EML5: variants seen among roughly 807,000 people sequenced by gnomAD.
The protein encoded by EML5 is EMAP like 5.
Under a neutral mutation model 250.0 loss-of-function variants are expected in EML5, and 120 were observed. The ratio of observed to expected loss-of-function variants is 0.48; its 90% CI spans 0.41 to 0.56. The LOEUF (loss-of-function observed/expected upper bound fraction) is 0.56, where lower values mean the gene tolerates loss of function less well. Ranked by LOEUF, EML5 falls within the 20% of genes least tolerant of loss-of-function variation. The pLI is 0.00. For missense variants in EML5, 2,006 were observed against 2,437.6 expected (o/e 0.82, Z 3.73); for synonymous variants, 771 against 806.5 (o/e 0.96, Z 0.75).
intron 21 of EML5, among the ~76,000 whole-genome samples, chr14:88,671,745 T>C (rs1004355268): frequency 3.3e-5 from 5 of 151,394 alleles, no homozygotes. Context: ...AAGCAGGGAG[T>C]GCAATCCTAG....
intron 19 of EML5, 23 bp downstream of exon 19, chr14:88,687,193 A>C: frequency 6.4e-7 from 1 of 1,562,246 alleles, no homozygotes. Context: ...CCTATACAAA[A>C]ACCCCACTAA....
rs1266545527 is a variant in EML5, at chr14:88,687,325, CCCCTATGG to C, written c.2743-6_2744del. 1 of 1,581,532 alleles carries C rather than the reference CCCCTATGG, an allele frequency of 6.3e-7. No homozygotes were observed. Among genetic ancestry groups the C allele is most frequent in the Admixed American group, 1.9e-5 (1 of 51,340 alleles). On this transcript the variant is annotated splice_acceptor_variant and splice_polypyrimidine_tract_variant and coding_sequence_variant and intron_variant, in exon 19 of 44. Coordinates refer to ENST00000554922, the MANE Select transcript of EML5 (RefSeq NM_183387.3). LOFTEE classifies it high-confidence loss of function. Reference sequence around the variant, plus strand: ...TACCATCTTTTCCTCCAGTTACAAACCCCTATGGAAAAAAAAAGGTTCAAGTTAATAAA... The same window carrying C: ...TACCATCTTTTCCTCCAGTTACAAACAAAAAAAAAGGTTCAAGTTAATAAA...
intron 19 of EML5, among the ~76,000 whole-genome samples, chr14:88,686,367 C>T (rs958939766): frequency 6.6e-6 from 1 of 151,844 alleles, no homozygotes; most frequent in Admixed American, 6.6e-5. Context: ...CAAACCTGCA[C>T]ATTGTGCACA....
At position 88,644,461 on chromosome 14, in the gene EML5, T is replaced by C; in HGVS notation, c.4079A>G (p.Asn1360Ser). 2 of 1,613,636 alleles carry C rather than the reference T, an allele frequency of 1.2e-6. No homozygotes were observed. The highest frequency in any genetic ancestry group is 1.7e-6 in the Non-Finnish European group (2 of 1,179,710). Reference sequence around the variant, plus strand: ...TATAGGTCTCTTTTTCTTGCCTACATTGTTTGTCTGGAGTTTCTCTGGCTG... The same window carrying C: ...TATAGGTCTCTTTTTCTTGCCTACACTGTTTGTCTGGAGTTTCTCTGGCTG... ...PPQPEKLQTN[N>S]VGKKKRPIED... Residue 1360 changes from asparagine to serine, a missense_variant, in exon 30 of 44, where the codon AAT becomes AGT. Physicochemically the swap from Asn to Ser is conservative, Grantham distance 46. Transcript: ENST00000554922.
At chr14:88,639,466 A>G (rs1472287724) in intron 31 of EML5, among the ~76,000 whole-genome samples, 1 of 152,230 alleles carries the variant, frequency 6.6e-6, no homozygotes, top group Non-Finnish European at 1.5e-5. Flanking sequence ...TTTCTCAAAG[A>G]AAAGGATTTG....
intron 35 of EML5, chr14:88,626,415 G>A (rs1421893110): frequency 5.8e-6 from 1 of 171,472 alleles, no homozygotes. Flanking sequence ...TAGCTTAGGA[G>A]CTTGAGACCA....
At chr14:88,648,973 C>T in intron 28 of EML5, among the ~76,000 whole-genome samples, 1 of 152,038 alleles carries the variant, frequency 6.6e-6, no homozygotes, top group African/African-American at 2.4e-5. Context: ...ACCATCTGGT[C>T]TCAAGTCTAC....
At chr14:88,706,787 G>A (rs2093324262) in intron 10 of EML5, among the ~76,000 whole-genome samples, 1 of 152,138 alleles carries the variant, frequency 6.6e-6, no homozygotes, top group South Asian at 2.1e-4. Context: ...CTCAACCCAA[G>A]CAGCCAGAGG....
At chr14:88,726,038 T>C (rs12892420) in intron 8 of EML5, among the ~76,000 whole-genome samples, 25,811 of 152,148 alleles carry the variant, frequency 0.17, 2,875 homozygotes, top group African/African-American at 0.31. Context: ...TTCAATTGAA[T>C]TTATCTATCT....
intron 10 of EML5, among the ~76,000 whole-genome samples, chr14:88,709,333 A>C (rs2093367512): frequency 6.6e-6 from 1 of 151,606 alleles, no homozygotes; most frequent in Non-Finnish European, 1.5e-5. Context: ...AACTGGGAAA[A>C]GATATTTGCA....
chr14:88,673,984 C>T (rs552446879), intron 21 of EML5, among the ~76,000 whole-genome samples: 1 of 152,244 alleles, frequency 6.6e-6, no homozygotes. Flanking sequence ...TGAAGAAATA[C>T]CTGGCTGGGT....
In EML5 at chr14:88,704,922, AC is replaced by A; in HGVS notation, c.1988del (p.Ser663MetfsTer71). The A allele has an allele frequency of 6.2e-7, 1 of 1,613,206 alleles. No homozygotes were observed. Among genetic ancestry groups the A allele is most frequent in the Non-Finnish European group, 8.5e-7 (1 of 1,179,502 alleles). Reference protein sequence around the residue: ...LKEQCKEKQKSATSKRRERAP... With the variant: ...LKEQCKEKQKXATSKRRERAP... ...CCCGCTCTCTTCTTTTAGAAGTAGC[AC>A]TTTTTTGTTTCTCTTTGCACTGTTC... On this transcript the variant is annotated frameshift_variant, in exon 13 of 44. Transcript: ENST00000554922. LOFTEE classifies it high-confidence loss of function.
At chr14:88,716,688 C>T (rs1670582797) in intron 8 of EML5, among the ~76,000 whole-genome samples, 1 of 151,148 alleles carries the variant, frequency 6.6e-6, no homozygotes, top group Non-Finnish European at 1.5e-5. Flanking sequence ...AAGAGAAGAA[C>T]GTCTTATGTC....
intron 2 of EML5, among the ~76,000 whole-genome samples, chr14:88,746,784 C>A (rs926506173): frequency 1.3e-5 from 2 of 152,050 alleles, no homozygotes; most frequent in African/African-American, 4.8e-5. Flanking sequence ...GAATTGCAGA[C>A]CGCCTCTGAT....
At chr14:88,618,953 C>G in intron 39 of EML5, 141 bp from the exon 40 acceptor site, 1 of 707,390 alleles carries the variant, frequency 1.4e-6, no homozygotes, top group East Asian at 2.8e-5. Flanking sequence ...CACAACTGAT[C>G]ATGTATACTG....
intron 15 of EML5, among the ~76,000 whole-genome samples, chr14:88,696,237 A>G (rs1323994791): frequency 6.6e-6 from 1 of 151,944 alleles, no homozygotes; most frequent in Non-Finnish European, 1.5e-5. Flanking sequence ...CAGAGCAGCA[A>G]AAGCATTAAT....
chr14:88,792,249 G>C lies in EML5; in HGVS notation c.197+58C>G, dbSNP rs1490952049. 1 of 1,525,330 alleles carries C rather than the reference G, an allele frequency of 6.6e-7. No individual in the cohort carries two copies. Among genetic ancestry groups the C allele is most frequent in the African/African-American group, 1.4e-5 (1 of 72,066 alleles). The allele number at this position is 1,525,330 out of a possible 1,614,324, so 94.5% of individuals were successfully genotyped here. On this transcript the variant is annotated intron_variant, in intron 1 of 43. Coordinates refer to ENST00000554922, the MANE Select transcript of EML5 (RefSeq NM_183387.3). This position sits in a 1 kb window ranked among gnomAD's most constrained non-coding sequence, Gnocchi z 6.9. ...GTCACGGCGTCCAGAGGAACCCGCG[G>C]GTGCAAACTCCGGGAGCGGCTTGCA...
intron 33 of EML5, among the ~76,000 whole-genome samples, chr14:88,634,057 G>A (rs1160961420): frequency 2.0e-5 from 3 of 152,208 alleles, no homozygotes; most frequent in South Asian, 2.1e-4. Context: ...TGCCCAAATC[G>A]CACATTGAAT....
At position 88,688,552 on chromosome 14, in the gene EML5, G is replaced by C. The variant is rs1023794923; in HGVS notation, c.2540-79C>G. On this transcript the variant is annotated intron_variant, in intron 17 of 43. Transcript: ENST00000554922. The stretch of plus-strand genomic sequence containing the variant: ...AAAGAAGCAAAGTTTCTTTTCTACT[G>C]TTGTTGTTGTTGTTTGAATAGTAAG... The C allele has an allele frequency of 3.0e-6, 4 of 1,341,634 alleles. No individual in the cohort carries two copies. In the African/African-American group the frequency reaches 5.8e-5, roughly 19 times the overall value. 83.1% of individuals were successfully genotyped at this position (1,341,634 alleles called of 1,614,324 possible).
Sources: gnomAD v4.1 joint callset for allele counts (sites outside exome capture counted in the v4.1 genomes callset) on GRCh38, gnomAD v4.1.1 for gene constraint, Gnocchi (gnomAD v3.1) non-coding constraint, MANE v1.5 for transcripts, NCBI Gene and HGNC (gene_info 2026-07-23, HGNC 2026-07-21) for gene names.